KPNA1: variants seen among roughly 807,000 people sequenced by gnomAD.
KPNA1 encodes the protein importin subunit alpha-5.
Under a neutral mutation model 70.5 loss-of-function variants are expected in KPNA1, and 10 were observed. The ratio of observed to expected loss-of-function variants is 0.14; its 90% CI spans 0.09 to 0.24. The LOEUF is 0.24. KPNA1 is among the 10% of genes least tolerant of loss of function. The pLI, the probability that KPNA1 is intolerant of heterozygous loss-of-function variation, is 1.00. For synonymous variants in KPNA1, 192 were observed against 221.9 expected (o/e 0.87, Z 1.20); for missense variants, 397 against 637.9 (o/e 0.62, Z 4.07).
intron 6 of KPNA1, among the ~76,000 whole-genome samples, 191 bp from the exon 7 acceptor site, chr3:122,452,255 A>G (rs369159838): frequency 1.7e-4 from 26 of 152,102 alleles, no homozygotes; most frequent in African/African-American, 6.3e-4. Flanking sequence ...AAAGGAAAGA[A>G]CTAATTCATT....
intron 6 of KPNA1, among the ~76,000 whole-genome samples, chr3:122,452,552 G>GGGAA (rs2076215728): frequency 2.9e-5 from 1 of 34,782 alleles, no homozygotes; most frequent in Admixed American, 2.8e-4. Context: ...GAAGGAGGGA[G>GGGAA]GGAGGGAGGG....
In KPNA1 at chr3:122,426,096, G is replaced by A. The variant is rs1461109151; in HGVS notation, c.*889C>T. ...CTGATTGCATTTGGGAAAATTGGAG[G>A]GTTTTTTCGTCCTTAGTTTTTTTTA... On this transcript the variant is annotated 3_prime_UTR_variant, in exon 14 of 14. Coordinates refer to ENST00000344337, the MANE Select transcript of KPNA1 (RefSeq NM_002264.4). 2.0e-5 allele frequency: 3 copies of A among 152,038 alleles called. No individual in the cohort carries two copies. The highest frequency in any genetic ancestry group is 7.3e-5 in the African/African-American group (3 of 41,350). 9.4% of individuals were successfully genotyped at this position (152,038 alleles called of 1,614,324 possible). A position where few individuals can be genotyped will look rare whatever the true frequency, so the allele number is the denominator to read the frequency against.
chr3:122,452,797 A>G (rs1056391018), intron 6 of KPNA1, among the ~76,000 whole-genome samples: 1 of 151,826 alleles, frequency 6.6e-6, no homozygotes, highest in Non-Finnish European at 1.5e-5. Flanking sequence ...GACGGAGAGA[A>G]AGAAAGACGG....
At chr3:122,449,802 T>G in intron 8 of KPNA1, 65 bp from the exon 9 acceptor site, 9 of 1,314,916 alleles carry the variant, frequency 6.8e-6, no homozygotes, top group East Asian at 4.9e-5. Flanking sequence ...GGTGAGATAC[T>G]CAAGAAGGCA....
intron 2 of KPNA1, among the ~76,000 whole-genome samples, chr3:122,495,512 T>C (rs889063650): frequency 2.0e-5 from 3 of 152,058 alleles, no homozygotes; most frequent in African/African-American, 7.2e-5. Flanking sequence ...ACAAATAAAA[T>C]ACTGAGGTTG....
intron 9 of KPNA1, among the ~76,000 whole-genome samples, chr3:122,446,201 C>A (rs141366330): frequency 0.016 from 2,490 of 152,264 alleles, 68 homozygotes; most frequent in African/African-American, 0.057. Context: ...CTCTCCACCC[C>A]AAATCAACAA....
intron 10 of KPNA1, among the ~76,000 whole-genome samples, chr3:122,439,102 G>C (rs906033684): frequency 2.6e-5 from 4 of 152,202 alleles, no homozygotes; most frequent in Non-Finnish European, 4.4e-5. Context: ...TTAGCAAAAA[G>C]AGGGACTGAC....
In KPNA1 at chr3:122,502,068, A is replaced by G. The variant is rs572788263; in HGVS notation, c.-5-5498T>C. Among the ~76,000 whole-genome samples, 36 of 152,352 alleles carry G rather than the reference A, an allele frequency of 2.4e-4. No individual in the cohort carries two copies. The Middle Eastern group carries it at 0.01, about 43-fold the overall frequency. On this transcript the variant is annotated intron_variant, in intron 1 of 13. Transcript: ENST00000344337. ...GAGAATCACTAATTTATAACATGCT[A>G]CCACATCTTCTATTTTATTTGGATC...
chr3:122,428,795 A>G (rs1422670474), intron 12 of KPNA1, among the ~76,000 whole-genome samples: 1 of 151,970 alleles, frequency 6.6e-6, no homozygotes, highest in African/African-American at 2.4e-5. Flanking sequence ...TCTGGCAAAC[A>G]TTTACGGACA....
intron 2 of KPNA1, among the ~76,000 whole-genome samples, chr3:122,470,266 C>A (rs1469885499): frequency 1.3e-5 from 2 of 151,968 alleles, no homozygotes; most frequent in African/African-American, 4.8e-5. Flanking sequence ...TACTCCCAGC[C>A]CTTTGGGAGG....
chr3:122,462,434 C>T (rs535131312), intron 4 of KPNA1, among the ~76,000 whole-genome samples: 1 of 152,192 alleles, frequency 6.6e-6, no homozygotes, highest in South Asian at 2.1e-4. Context: ...TCAAAATAGA[C>T]ACTCTTAGGG....
intron 12 of KPNA1, among the ~76,000 whole-genome samples, chr3:122,430,946 C>T (rs1039822720): frequency 6.6e-6 from 1 of 152,154 alleles, no homozygotes; most frequent in African/African-American, 2.4e-5. Flanking sequence ...CAAGACTGAC[C>T]TGCCACCTCC....
chr3:122,459,013 T>C (rs371003024), intron 5 of KPNA1, among the ~76,000 whole-genome samples: 2 of 152,206 alleles, frequency 1.3e-5, no homozygotes, highest in African/African-American at 2.4e-5. Flanking sequence ...AGGAATCATT[T>C]TGCAATATTT....
chr3:122,510,311 G>A (rs983171800), intron 1 of KPNA1, among the ~76,000 whole-genome samples: 9 of 152,164 alleles, frequency 5.9e-5, no homozygotes, highest in African/African-American at 2.2e-4. Flanking sequence ...GGGCAAAGAA[G>A]TTTAAGGATG....
chr3:122,513,708 G>A (rs1474013700), intron 1 of KPNA1, among the ~76,000 whole-genome samples: 3 of 151,738 alleles, frequency 2.0e-5, no homozygotes, highest in African/African-American at 4.8e-5. Flanking sequence ...TTAAGCAACC[G>A]TTTATTTAAG....
Position 122,422,027 on chromosome 3 carries a change from A to C in KPNA1, c.*4958T>G, listed in dbSNP as rs747255506. 6.6e-6 allele frequency: 1 copy of C among 152,262 alleles called. No individual in the cohort carries two copies. The highest frequency in any genetic ancestry group is 1.5e-5 in the Non-Finnish European group (1 of 68,054). The allele number at this position is 152,262 out of a possible 1,614,324, so 9.4% of individuals were successfully genotyped here. A position where few individuals can be genotyped will look rare whatever the true frequency, so the allele number is the denominator to read the frequency against. On this transcript the variant is annotated 3_prime_UTR_variant, in exon 14 of 14. Transcript: ENST00000344337. ...ATGGCCTGACAGACCACATTCAAGT[A>C]CAAAGAATCATTAGAGCCATTCCAA...
intron 1 of KPNA1, among the ~76,000 whole-genome samples, chr3:122,500,414 A>G (rs6438734): frequency 0.61 from 92,161 of 151,920 alleles, 28,273 homozygotes; most frequent in East Asian, 0.77. Context: ...GAGCTACCAT[A>G]CCCAGCCACA....
At chr3:122,503,813 T>C (rs974475651) in intron 1 of KPNA1, among the ~76,000 whole-genome samples, 1 of 152,186 alleles carries the variant, frequency 6.6e-6, no homozygotes, top group Non-Finnish European at 1.5e-5. Flanking sequence ...CCTTTCCAAT[T>C]CTATTTGTTA....
At position 122,449,514 on chromosome 3, in the gene KPNA1, C is replaced by CTAA. The variant is rs1303984494; in HGVS notation, c.917+59_917+60insTTA. The CTAA allele has an allele frequency of 7.6e-6, 10 of 1,309,184 alleles. No homozygotes were observed. The African/African-American group carries it at 1.5e-4, about 19-fold the overall frequency. 81.1% of individuals were successfully genotyped at this position (1,309,184 alleles called of 1,614,324 possible). ...CAATCCATTAATATTTAAGTATTAG[C>CTAA]AGCTAGAAAACTAGTACCAAGGGAG... On this transcript the variant is annotated intron_variant, in intron 9 of 13. Transcript: ENST00000344337.
Sources: allele counts gnomAD v4.1 joint callset (sites outside exome capture counted in the v4.1 genomes callset), GRCh38; gene constraint gnomAD v4.1.1; transcripts MANE v1.5; gene names NCBI Gene and HGNC (gene_info 2026-07-23, HGNC 2026-07-21).